RPTOR: variants seen among roughly 807,000 people sequenced by gnomAD.
The protein encoded by RPTOR is regulatory-associated protein of mTOR.
In RPTOR, 21 loss-of-function variants were observed where a neutral mutation model predicts 169.9. That is an observed-to-expected ratio of 0.12 (90% CI 0.09 to 0.18). RPTOR has a LOEUF of 0.18. Among genes scored for constraint, RPTOR ranks in the 10% least tolerant of loss-of-function variants. RPTOR has a pLI of 1.00. For synonymous variants in RPTOR, 732 were observed against 753.2 expected (o/e 0.97, Z 0.46); for missense variants, 1,133 against 1,855.9 (o/e 0.61, Z 7.16).
intron 24 of RPTOR, among the ~76,000 whole-genome samples, chr17:80,939,581 A>G (rs2068998039): frequency 6.6e-6 from 1 of 152,216 alleles, no homozygotes; most frequent in South Asian, 2.1e-4. Context: ...GCACCCTCCT[A>G]GCTCTTCCAC....
In RPTOR at chr17:80,845,421, A is replaced by G. The variant is rs940701647; in HGVS notation, c.1213-1052A>G. 1.3e-5 allele frequency among the ~76,000 whole-genome samples: 2 copies of G among 150,568 alleles called. No homozygotes were observed. Among genetic ancestry groups the G allele is most frequent in the African/African-American group, 4.9e-5 (2 of 40,798 alleles). ...ACCCCAGAGAGTACCCTCGTTTCCCATTTCACTGAGGAAACAAGAAGCAGT... is the reference window on the plus strand; with the variant it reads ...ACCCCAGAGAGTACCCTCGTTTCCCGTTTCACTGAGGAAACAAGAAGCAGT... On this transcript the variant is annotated intron_variant, in intron 10 of 33. Coordinates refer to ENST00000306801, the MANE Select transcript of RPTOR (RefSeq NM_020761.3). The surrounding 1 kb of genome is among the most constrained non-coding windows in gnomAD (Gnocchi z 5.4).
At chr17:80,667,521 A>C (rs1447266635) in intron 3 of RPTOR, among the ~76,000 whole-genome samples, 1 of 152,138 alleles carries the variant, frequency 6.6e-6, no homozygotes, top group Non-Finnish European at 1.5e-5. Context: ...TTTCTTGACT[A>C]TTTTGACTTA....
At chr17:80,606,100 C>T (rs2049345181) in intron 1 of RPTOR, among the ~76,000 whole-genome samples, 1 of 152,116 alleles carries the variant, frequency 6.6e-6, no homozygotes, top group Non-Finnish European at 1.5e-5. Flanking sequence ...CAAGTTCCGC[C>T]TCCCGGGTTC....
chr17:80,812,287 G>A (rs997968833), intron 7 of RPTOR, among the ~76,000 whole-genome samples: 2 of 151,640 alleles, frequency 1.3e-5, no homozygotes, highest in Non-Finnish European at 2.9e-5. Context: ...TCTCTGTCTT[G>A]TCAGCTGCTT....
At chr17:80,955,012 C>T (rs992511353) in intron 28 of RPTOR, among the ~76,000 whole-genome samples, 1 of 152,330 alleles carries the variant, frequency 6.6e-6, no homozygotes, top group African/African-American at 2.4e-5. Flanking sequence ...ACTTTCTTCA[C>T]AGATCAAAGC....
At chr17:80,903,951 A>C (rs1001041005) in intron 20 of RPTOR, among the ~76,000 whole-genome samples, 4 of 152,246 alleles carry the variant, frequency 2.6e-5, no homozygotes. Context: ...GAGAAAATGA[A>C]CAACAGTTTT....
intron 25 of RPTOR, 119 bp from the exon 26 acceptor site, chr17:80,945,548 C>T (rs1476365363): frequency 7.2e-6 from 4 of 555,492 alleles, no homozygotes; most frequent in African/African-American, 2.0e-5. Flanking sequence ...GCCAAGATTG[C>T]ACCACTGCAC....
intron 21 of RPTOR, among the ~76,000 whole-genome samples, chr17:80,916,223 C>A (rs1424114206): frequency 6.6e-6 from 1 of 152,190 alleles, no homozygotes; most frequent in Non-Finnish European, 1.5e-5. Flanking sequence ...TTCAGGGAAC[C>A]CAGACCTAGG....
At chr17:80,831,599 C>T (rs1425949934) in intron 9 of RPTOR, among the ~76,000 whole-genome samples, 1 of 152,188 alleles carries the variant, frequency 6.6e-6, no homozygotes, top group Non-Finnish European at 1.5e-5. Context: ...GGAATCCCGC[C>T]GAGGCTCTGG....
chr17:80,769,696 G>T (rs1254190936), intron 6 of RPTOR, among the ~76,000 whole-genome samples: 1 of 152,148 alleles, frequency 6.6e-6, no homozygotes, highest in African/African-American at 2.4e-5. Context: ...CACCCGCTAT[G>T]ATGAGTGAAA....
chr17:80,842,235 C>A (rs933819874), intron 10 of RPTOR, among the ~76,000 whole-genome samples: 2 of 152,224 alleles, frequency 1.3e-5, no homozygotes, highest in Non-Finnish European at 2.9e-5. Context: ...GATATTGGTC[C>A]TCCCTTTGAA....
At position 80,964,355 on chromosome 17, in the gene RPTOR, C is replaced by T; in HGVS notation, c.*25C>T. On this transcript the variant is annotated 3_prime_UTR_variant, in exon 34 of 34. Coordinates refer to ENST00000306801, the MANE Select transcript of RPTOR (RefSeq NM_020761.3). ...GCGGCGTGACCCGGGCCCACCAGGC[C>T]ACGGCCGCCTGCTGTACATAGTGAA... 6.2e-7 allele frequency: 1 copy of T among 1,601,888 alleles called. No homozygotes were observed. Among genetic ancestry groups the T allele is most frequent in the East Asian group, 2.2e-5 (1 of 44,844 alleles).
intron 1 of RPTOR, among the ~76,000 whole-genome samples, chr17:80,595,974 CTT>C (rs2065141958): frequency 6.6e-6 from 1 of 152,172 alleles, no homozygotes; most frequent in South Asian, 2.1e-4. Flanking sequence ...GCCTTGACAA[CTT>C]TTCTCTTACT....
intron 2 of RPTOR, among the ~76,000 whole-genome samples, chr17:80,638,541 A>G (rs2065527136): frequency 1.3e-5 from 2 of 150,048 alleles, no homozygotes; most frequent in African/African-American, 4.9e-5. Flanking sequence ...AGCTGGAACC[A>G]CAGGCATGCA....
At chr17:80,611,777 A>C (rs1395092298) in intron 1 of RPTOR, among the ~76,000 whole-genome samples, 1 of 150,300 alleles carries the variant, frequency 6.7e-6, no homozygotes, top group African/African-American at 2.4e-5. Flanking sequence ...TTTAAAAAAA[A>C]CAAAATCTAC....
intron 1 of RPTOR, among the ~76,000 whole-genome samples, chr17:80,583,191 T>TTTTTTTG (rs2065030883): frequency 2.3e-5 from 3 of 132,148 alleles, no homozygotes; most frequent in African/African-American, 8.5e-5. Context: ...TGTTTTTTTT[T>TTTTTTTG]TTTTTTTTTT....
intron 1 of RPTOR, among the ~76,000 whole-genome samples, chr17:80,548,078 C>CTTTTT (rs55928458): frequency 1.2e-4 from 12 of 102,586 alleles, no homozygotes; most frequent in East Asian, 2.7e-4. Flanking sequence ...TTTTCTGTTT[C>CTTTTT]TTTTTTTTTT....
intron 3 of RPTOR, among the ~76,000 whole-genome samples, chr17:80,645,052 C>T (rs1436464354): frequency 6.6e-6 from 1 of 152,084 alleles, no homozygotes; most frequent in South Asian, 2.1e-4. Flanking sequence ...TTCTTGAGGG[C>T]GCAGTGCGTT....
intron 21 of RPTOR, among the ~76,000 whole-genome samples, chr17:80,913,487 C>CTA (rs145117290): frequency 0.044 from 6,662 of 152,236 alleles, 385 homozygotes; most frequent in African/African-American, 0.14. Flanking sequence ...GGGTCTCACT[C>CTA]TATCACCCAG....
Sources: gnomAD v4.1 joint callset for allele counts (sites outside exome capture counted in the v4.1 genomes callset) on GRCh38, gnomAD v4.1.1 for gene constraint, Gnocchi (gnomAD v3.1) non-coding constraint, MANE v1.5 for transcripts, NCBI Gene and HGNC (gene_info 2026-07-23, HGNC 2026-07-21) for gene names.